The following PPP1R9A variants were observed in gnomAD, a reference collection of about 807,000 sequenced individuals.
The protein encoded by PPP1R9A is neurabin-1.
In PPP1R9A, 59 loss-of-function variants were observed where a neutral mutation model predicts 141.9. The ratio of observed to expected loss-of-function variants is 0.42; its 90% CI spans 0.34 to 0.52. PPP1R9A has a LOEUF of 0.52. Among genes scored for constraint, PPP1R9A ranks in the 20% least tolerant of loss-of-function variants. PPP1R9A has a pLI of 0.10. For synonymous variants in PPP1R9A, 500 were observed against 569.7 expected (o/e 0.88, Z 1.74); for missense variants, 1,444 against 1,611.9 (o/e 0.90, Z 1.78).
intron 2 of PPP1R9A, among the ~76,000 whole-genome samples, chr7:94,954,124 GT>G (rs962534491): frequency 1.3e-5 from 2 of 151,512 alleles, no homozygotes; most frequent in African/African-American, 4.8e-5. Context: ...TTTTTTTGTT[GT>G]TTTTCTTATT....
At position 95,115,916 on chromosome 7, in the gene PPP1R9A, C is replaced by CAA. The variant is rs746135056; in HGVS notation, c.1528+4541_1528+4542dup. ...TGGGTGACAGAACAAGACTCTGTCT[C>CAA]AAAAAAAAAAAAAAAAAGAAAGAAA... is the stretch of plus-strand genomic sequence containing the variant. On this transcript the variant is annotated intron_variant, in intron 3 of 19. Coordinates refer to ENST00000433360, the MANE Select transcript of PPP1R9A (RefSeq NM_001166160.2). Among the ~76,000 whole-genome samples the CAA allele has an allele frequency of 4.7e-4, 28 of 60,204 alleles. 1 individual carries two copies. Among genetic ancestry groups the CAA allele is most frequent in the Admixed American group, 9.5e-4 (5 of 5,240 alleles). The allele number at this position is 60,204 out of a possible 152,430, so 39.5% of individuals were successfully genotyped here.
chr7:94,975,832 C>T (rs373035223), intron 2 of PPP1R9A, among the ~76,000 whole-genome samples: 1 of 152,092 alleles, frequency 6.6e-6, no homozygotes, highest in African/African-American at 2.4e-5. Flanking sequence ...TCATAAAAAC[C>T]AGTAATTTAT....
chr7:95,149,525 GT>G (rs1173251270), intron 4 of PPP1R9A, among the ~76,000 whole-genome samples: 2 of 151,968 alleles, frequency 1.3e-5, no homozygotes, highest in Middle Eastern at 3.5e-3. Context: ...TTATAGCAAG[GT>G]TTCAGAATAC....
rs150036516 is a variant in PPP1R9A, at chr7:94,910,350, G to C, written c.237G>C (p.Glu79Asp). The change falls in exon 2 of 20, where the codon GAG becomes GAC. Residue 79 changes from glutamate to aspartate, a missense_variant. Glu to Asp is a conservative substitution (Grantham distance 45, BLOSUM62 2). Coordinates refer to ENST00000433360, the MANE Select transcript of PPP1R9A (RefSeq NM_001166160.2). This position sits in a 1 kb window ranked among gnomAD's most constrained non-coding sequence, Gnocchi z 4.5. The part of the protein sequence containing the change: ...LFMQMGMEPN[E>D]NAAVIAKTRG... ...TGCAGATGGGTATGGAACCCAACGA[G>C]AATGCTGCAGTCATTGCCAAAACAA... 6.2e-7 allele frequency: 1 copy of C among 1,613,946 alleles called. No individual in the cohort carries two copies.
chr7:94,942,854 TAAAA>T (rs1339049857), intron 2 of PPP1R9A, among the ~76,000 whole-genome samples: 1 of 140,972 alleles, frequency 7.1e-6, no homozygotes, highest in Non-Finnish European at 1.6e-5. Flanking sequence ...AATAAATAAA[TAAAA>T]GTTTGCCAAC....
chr7:95,041,805 AT>A (rs1311192192), intron 2 of PPP1R9A, among the ~76,000 whole-genome samples: 3 of 152,056 alleles, frequency 2.0e-5, no homozygotes, highest in Admixed American at 2.0e-4. Flanking sequence ...TTTACTTATT[AT>A]TATAATTTAA....
chr7:95,149,539 G>T (rs2152642508), intron 4 of PPP1R9A, among the ~76,000 whole-genome samples: 1 of 151,866 alleles, frequency 6.6e-6, no homozygotes. Flanking sequence ...CAGAATACAA[G>T]CTTATTATAC....
chr7:95,219,337 C>T lies in PPP1R9A; in HGVS notation c.1957-6624C>T, dbSNP rs547143785. Among the ~76,000 whole-genome samples, 17 of 152,238 alleles carry T rather than the reference C, an allele frequency of 1.1e-4. No individual in the cohort carries two copies. The South Asian group carries it at 1.2e-3, about 11-fold the overall frequency. On this transcript the variant is annotated intron_variant, in intron 7 of 19. Coordinates refer to ENST00000433360, the MANE Select transcript of PPP1R9A (RefSeq NM_001166160.2). Reference sequence around the variant, plus strand: ...CTTGTAGAGTTTCTGCTGAGAGATCCGCTGTTAGTCTGGTGGGTTGCCCTT... The same window carrying T: ...CTTGTAGAGTTTCTGCTGAGAGATCTGCTGTTAGTCTGGTGGGTTGCCCTT...
intron 1 of PPP1R9A, among the ~76,000 whole-genome samples, chr7:94,909,198 G>A (rs1584152475): frequency 6.6e-6 from 1 of 152,224 alleles, no homozygotes; most frequent in East Asian, 1.9e-4. Flanking sequence ...ACATTCTTAC[G>A]CATTTATTCC....
chr7:95,161,887 T>C lies in PPP1R9A; in HGVS notation c.1670T>C (p.Ile557Thr), dbSNP rs1227789504. The C allele has an allele frequency of 6.2e-7, 1 of 1,609,354 alleles. No individual in the cohort carries two copies. Among genetic ancestry groups the C allele is most frequent in the Non-Finnish European group, 8.5e-7 (1 of 1,177,326 alleles). The part of the protein sequence containing the change: ...RDGRIQVNDQ[I>T]VEVDGISLVG... The stretch of plus-strand genomic sequence containing the variant: ...TAAAGAATACAAGTCAATGACCAGA[T>C]TGTGGAAGTGGATGGAATCAGCTTG... The change falls in exon 5 of 20, where the codon ATT (isoleucine) becomes ACT (threonine). Residue 557 changes from isoleucine (I) to threonine (T), a missense_variant. Ile to Thr is a moderately conservative substitution (Grantham distance 89, BLOSUM62 -1). Transcript: ENST00000433360.
intron 5 of PPP1R9A, among the ~76,000 whole-genome samples, chr7:95,165,787 C>T (rs1308705432): frequency 6.6e-6 from 1 of 151,978 alleles, no homozygotes; most frequent in Non-Finnish European, 1.5e-5. Flanking sequence ...ACAGTGATTG[C>T]TGGGAGAAAA....
At chr7:95,241,256 C>T (rs922155949) in intron 8 of PPP1R9A, among the ~76,000 whole-genome samples, 2 of 152,134 alleles carry the variant, frequency 1.3e-5, no homozygotes, top group Admixed American at 1.3e-4. Flanking sequence ...TCCTGCATTT[C>T]CCCCTAACAG....
chr7:95,121,717 C>G (rs1387481388), intron 4 of PPP1R9A, among the ~76,000 whole-genome samples: 1 of 152,090 alleles, frequency 6.6e-6, no homozygotes, highest in Admixed American at 6.6e-5. Context: ...TGAGGACCCT[C>G]CAGCTGAGTC....
chr7:95,175,877 A>C (rs906036615), intron 5 of PPP1R9A, among the ~76,000 whole-genome samples: 1 of 152,144 alleles, frequency 6.6e-6, no homozygotes, highest in African/African-American at 2.4e-5. Context: ...AATTAATCTG[A>C]GGGTCTTAAA....
chr7:94,911,643 G>T lies in PPP1R9A; in HGVS notation c.1395+135G>T, dbSNP rs142584748. ...ATTGTTGATACCTTTAAAATCACCT[G>T]TTGTCAGGTGATTTTAAAAGTTCAG... On this transcript the variant is annotated intron_variant, in intron 2 of 19. Coordinates refer to ENST00000433360, the MANE Select transcript of PPP1R9A (RefSeq NM_001166160.2). 145 of 657,770 alleles carry T rather than the reference G, an allele frequency of 2.2e-4. No homozygotes were observed. The East Asian group carries it at 3.9e-3, about 18-fold the overall frequency. The allele number at this position is 657,770 out of a possible 1,614,324, so 40.7% of individuals were successfully genotyped here.
intron 3 of PPP1R9A, among the ~76,000 whole-genome samples, chr7:95,113,971 A>C (rs758642987): frequency 6.6e-6 from 1 of 152,236 alleles, no homozygotes; most frequent in Non-Finnish European, 1.5e-5. Context: ...TTTCATTTGG[A>C]GTTAAAGTGA....
At position 95,252,077 on chromosome 7, in the gene PPP1R9A, C is replaced by T; in HGVS notation, c.2612C>T (p.Thr871Ile). The part of the protein sequence containing the change: ...TSLGEVSKGD[T>I]MENLDGKQTS... ...CTTGGTGAAGTCTCTAAAGGGGATA[C>T]CATGGAGAACTTGGATGGCAAGCAG... The change falls in exon 12 of 20, where the codon ACC becomes ATC. Residue 871 changes from threonine to isoleucine, a missense_variant. Physicochemically the swap from Thr to Ile is moderately conservative, Grantham distance 89 (BLOSUM62 -1). Coordinates refer to ENST00000433360, the MANE Select transcript of PPP1R9A (RefSeq NM_001166160.2). 1.2e-6 allele frequency: 2 copies of T among 1,609,318 alleles called. No individual in the cohort carries two copies. The highest frequency in any genetic ancestry group is 1.3e-5 in the African/African-American group (1 of 74,784).
At chr7:95,159,848 C>A (rs1322593762) in intron 4 of PPP1R9A, among the ~76,000 whole-genome samples, 1 of 150,854 alleles carries the variant, frequency 6.6e-6, no homozygotes, top group African/African-American at 2.4e-5. Flanking sequence ...ATCTCTTGAA[C>A]CCGGGAGGCG....
intron 2 of PPP1R9A, among the ~76,000 whole-genome samples, chr7:94,918,682 A>G (rs997330592): frequency 1.3e-5 from 2 of 152,118 alleles, no homozygotes; most frequent in Non-Finnish European, 2.9e-5. Context: ...GAAAGCAGTA[A>G]TTGACTTGCT....
Sources: gnomAD v4.1 joint callset for allele counts (sites outside exome capture counted in the v4.1 genomes callset) on GRCh38, gnomAD v4.1.1 for gene constraint, Gnocchi (gnomAD v3.1) non-coding constraint, MANE v1.5 for transcripts, NCBI Gene and HGNC (gene_info 2026-07-23, HGNC 2026-07-21) for gene names.